Variants in IGF2BP1 observed in about 807,000 individuals in gnomAD.
IGF2BP1 encodes the protein insulin like growth factor 2 mRNA binding protein 1, also known as insulin-like growth factor 2 mRNA-binding protein 1.
Under a neutral mutation model 74.9 loss-of-function variants are expected in IGF2BP1, and 11 were observed. That is an observed-to-expected ratio of 0.15 (90% CI 0.09 to 0.24). The LOEUF (loss-of-function observed/expected upper bound fraction) is 0.24, where lower values mean the gene tolerates loss of function less well. Among genes scored for constraint, IGF2BP1 ranks in the 10% least tolerant of loss-of-function variants. The pLI, the probability that IGF2BP1 is intolerant of heterozygous loss-of-function variation, is 1.00. For synonymous variants in IGF2BP1, 287 were observed against 281.8 expected (o/e 1.02, Z -0.18); for missense variants, 440 against 757.4 (o/e 0.58, Z 4.92).
chr17:49,014,369 C>T (rs1598130890), intron 2 of IGF2BP1, among the ~76,000 whole-genome samples: 1 of 151,178 alleles, frequency 6.6e-6, no homozygotes, highest in Non-Finnish European at 1.5e-5. Flanking sequence ...CTGCGCTTTC[C>T]CCTGCTCCAC....
intron 2 of IGF2BP1, among the ~76,000 whole-genome samples, chr17:49,020,525 C>A (rs1004439511): frequency 1.3e-5 from 2 of 152,174 alleles, no homozygotes; most frequent in South Asian, 2.1e-4. Context: ...AGAATTTGAA[C>A]CCAAAGCCTG....
At position 48,997,651 on chromosome 17, in the gene IGF2BP1, C is replaced by G. The variant is rs2041423280; in HGVS notation, c.-95C>G. 1 of 1,359,544 alleles carries G rather than the reference C, an allele frequency of 7.4e-7. No individual in the cohort carries two copies. The highest frequency in any genetic ancestry group is 1.0e-6 in the Non-Finnish European group (1 of 989,908). 84.2% of individuals were successfully genotyped at this position (1,359,544 alleles called of 1,614,324 possible). A position where few individuals can be genotyped will look rare whatever the true frequency, so the allele number is the denominator to read the frequency against. ...TGCAAAGAAAGTTTGCGGCTCCTGC[C>G]GCCGGCCTCTCCGCCTCTTGGCCTA... On this transcript the variant is annotated 5_prime_UTR_variant, in exon 1 of 15. Transcript: ENST00000290341. The surrounding 1 kb of genome is among the most constrained non-coding windows in gnomAD (Gnocchi z 4.8).
intron 2 of IGF2BP1, among the ~76,000 whole-genome samples, chr17:49,019,933 TA>T (rs1567815755): frequency 1.3e-4 from 8 of 62,116 alleles, no homozygotes; most frequent in Admixed American, 5.1e-4. Context: ...TATATATATA[TA>T]TATATATATA....
In IGF2BP1 at chr17:49,045,131, T is replaced by C. The variant is rs2042096207; in HGVS notation, c.1395+66T>C. The stretch of plus-strand genomic sequence containing the variant: ...TTGAGGTTGGGTATTTCCCCTGAGG[T>C]AGGAAAAAGGCTGGGTCAGTTTCCC... On this transcript the variant is annotated intron_variant, in intron 12 of 14. Coordinates refer to ENST00000290341, the MANE Select transcript of IGF2BP1 (RefSeq NM_006546.4). 11 of 1,387,978 alleles carry C rather than the reference T, an allele frequency of 7.9e-6. 1 individual carries two copies. Among genetic ancestry groups the C allele is most frequent in the Middle Eastern group, 3.6e-4 (2 of 5,632 alleles). The allele number at this position is 1,387,978 out of a possible 1,614,324, so 86.0% of individuals were successfully genotyped here.
At chr17:49,025,297 G>T (rs1305046898) in intron 2 of IGF2BP1, among the ~76,000 whole-genome samples, 1 of 149,674 alleles carries the variant, frequency 6.7e-6, no homozygotes, top group Non-Finnish European at 1.5e-5. Context: ...GAATGAGAAA[G>T]TGGTGGGACA....
intron 4 of IGF2BP1, among the ~76,000 whole-genome samples, chr17:49,028,996 GGGGTTTCACCATATTGGCC>G (rs2041889900): frequency 6.6e-6 from 1 of 152,020 alleles, no homozygotes; most frequent in Non-Finnish European, 1.5e-5. Flanking sequence ...TAGTAGAGAT[GGGGTTTCACCATATTGGCC>G]AGGCTGGTCT....
At position 49,040,077 on chromosome 17, in the gene IGF2BP1, T is replaced by C; in HGVS notation, c.804T>C (p.Ala268=). 1.2e-6 allele frequency: 2 copies of C among 1,614,094 alleles called. No individual in the cohort carries two copies. Among genetic ancestry groups the C allele is most frequent in the African/African-American group, 1.3e-5 (1 of 75,022 alleles). Residue 268 remains alanine, a synonymous_variant, in exon 7 of 15, where the codon GCT becomes GCC. Coordinates refer to ENST00000290341, the MANE Select transcript of IGF2BP1 (RefSeq NM_006546.4). ...KMILEIMHKE[A]KDTKTADEVP... ...TCTTGGAGATTATGCATAAAGAGGC[T>C]AAGGACACCAAAACGTAAGTCTCCA...
At position 49,031,956 on chromosome 17, in the gene IGF2BP1, C is replaced by T. The variant is rs1021151923; in HGVS notation, c.384C>T (p.Asn128=). Reference sequence around the variant, plus strand: ...CAGTGGTGAATGTCACCTATTCCAACCGGGAGCAGACCAGGCAGTGAGTGG... The same window carrying T: ...CAGTGGTGAATGTCACCTATTCCAATCGGGAGCAGACCAGGCAGTGAGTGG... ...ETAVVNVTYS[N]REQTRQAIMK... Residue 128 remains asparagine, a synonymous_variant, in exon 5 of 15, where the codon AAC becomes AAT. Coordinates refer to ENST00000290341, the MANE Select transcript of IGF2BP1 (RefSeq NM_006546.4). 3 of 1,612,562 alleles carry T rather than the reference C, an allele frequency of 1.9e-6. No homozygotes were observed. The highest frequency in any genetic ancestry group is 1.7e-5 in the Admixed American group (1 of 59,894).
intron 2 of IGF2BP1, among the ~76,000 whole-genome samples, chr17:49,011,569 A>G (rs2041619737): frequency 6.6e-6 from 1 of 151,912 alleles, no homozygotes; most frequent in South Asian, 2.1e-4. Context: ...GCTCTCTTAG[A>G]AGGTGTGAAC....
intron 14 of IGF2BP1, 47 bp from the exon 15 acceptor site, chr17:49,049,305 T>A (rs200916789): frequency 6.5e-7 from 1 of 1,549,966 alleles, no homozygotes; most frequent in East Asian, 2.2e-5. Flanking sequence ...TGGAAGGCTG[T>A]CTCCTTGGAG....
intron 2 of IGF2BP1, among the ~76,000 whole-genome samples, chr17:49,006,633 C>G (rs2041554044): frequency 6.6e-6 from 1 of 152,166 alleles, no homozygotes; most frequent in African/African-American, 2.4e-5. Flanking sequence ...TGTACAGATG[C>G]CTGAAAATGT....
chr17:49,021,236 G>T (rs190342905), intron 2 of IGF2BP1, among the ~76,000 whole-genome samples: 202 of 152,138 alleles, frequency 1.3e-3, no homozygotes, highest in African/African-American at 4.6e-3. Flanking sequence ...AACTCTTGAG[G>T]TATGAAGGAT....
intron 2 of IGF2BP1, among the ~76,000 whole-genome samples, chr17:49,007,512 G>A (rs2041564237): frequency 6.6e-6 from 1 of 152,198 alleles, no homozygotes; most frequent in African/African-American, 2.4e-5. Context: ...TTACTGGGAT[G>A]GGGAGGAAAA....
intron 4 of IGF2BP1, among the ~76,000 whole-genome samples, chr17:49,029,404 C>T (rs2041895356): frequency 6.6e-6 from 1 of 152,078 alleles, no homozygotes; most frequent in East Asian, 1.9e-4. Context: ...TAGCTTTAGC[C>T]CAGGAGTTAA....
chr17:49,030,287 A>G (rs1255895404), intron 4 of IGF2BP1, among the ~76,000 whole-genome samples: 1 of 151,874 alleles, frequency 6.6e-6, no homozygotes, highest in Non-Finnish European at 1.5e-5. Context: ...GATTACAGGC[A>G]TGCACCACCA....
At chr17:49,015,248 T>C (rs1397309269) in intron 2 of IGF2BP1, among the ~76,000 whole-genome samples, 2 of 152,176 alleles carry the variant, frequency 1.3e-5, no homozygotes, top group African/African-American at 4.8e-5. Flanking sequence ...GCTGGGATTA[T>C]AGGCGTGAAC....
intron 5 of IGF2BP1, 133 bp from the exon 6 acceptor site, chr17:49,038,035 T>TC: frequency 1.5e-6 from 1 of 685,660 alleles, no homozygotes; most frequent in East Asian, 3.0e-5. Flanking sequence ...GAGGTGGAGG[T>TC]AGTGGGCAGG....
At chr17:49,045,760 G>A in intron 12 of IGF2BP1, 130 bp from the exon 13 acceptor site, 1 of 917,924 alleles carries the variant, frequency 1.1e-6, no homozygotes, top group Non-Finnish European at 1.6e-6. Context: ...ACCTGCCTTA[G>A]ATGGTTAGCC....
At chr17:49,042,492 T>G (rs2042063153) in intron 9 of IGF2BP1, 115 bp downstream of exon 9, 1 of 1,106,458 alleles carries the variant, frequency 9.0e-7, no homozygotes, top group Non-Finnish European at 1.3e-6. Context: ...GAGCTTTAGT[T>G]GATGCTTTTG....
Sources: gnomAD v4.1 joint callset for allele counts (sites outside exome capture counted in the v4.1 genomes callset) on GRCh38, gnomAD v4.1.1 for gene constraint, Gnocchi (gnomAD v3.1) non-coding constraint, MANE v1.5 for transcripts, NCBI Gene and HGNC (gene_info 2026-07-23, HGNC 2026-07-21) for gene names.